PTCHD4: variants seen among roughly 807,000 people sequenced by gnomAD.
PTCHD4 encodes patched domain-containing protein 4.
PTCHD4 carries 33 observed loss-of-function variants against 58.1 expected under a neutral mutation model. The ratio of observed to expected loss-of-function variants is 0.57; its 90% CI spans 0.43 to 0.76. The LOEUF (loss-of-function observed/expected upper bound fraction) is 0.76. Ranked by LOEUF, PTCHD4 falls within the 30% of genes least tolerant of loss-of-function variation. The pLI is 0.00. For missense variants in PTCHD4, 1,058 were observed against 1,027.1 expected (o/e 1.03, Z -0.41); for synonymous variants, 478 against 409.6 (o/e 1.17, Z -2.02).
At position 48,041,151 on chromosome 6, in the gene PTCHD4, C is replaced by T. The variant is rs143286659; in HGVS notation, c.417+27079G>A. On this transcript the variant is annotated intron_variant, in intron 3 of 4. Coordinates refer to ENST00000339488, the MANE Select transcript of PTCHD4 (RefSeq NM_001384253.1). ...GCAGTGACAAGTTCAGTTGAGTGAG[C>T]AAACTGATTTAGACCACAGAATTGA... Among the ~76,000 whole-genome samples, 586 of 152,130 alleles carry T rather than the reference C, an allele frequency of 3.9e-3. 2 individuals are homozygous for T. The highest frequency in any genetic ancestry group is 7.1e-3 in the South Asian group (34 of 4,818).
At position 47,878,484 on chromosome 6, in the gene PTCHD4, C is replaced by T; in HGVS notation, c.2351G>A (p.Cys784Tyr). 1.9e-6 allele frequency: 3 copies of T among 1,613,434 alleles called. No individual in the cohort carries two copies. The highest frequency in any genetic ancestry group is 2.5e-6 in the Non-Finnish European group (3 of 1,179,696). ...TGTGCAACCCCCAGTGAGCAGCAAG[C>T]ATTTGAACAGTGTGAAGGTCAGGTT... Reference protein sequence around the residue: ...PSNLTFTLFKCLLLTGGCTLL... With the variant: ...PSNLTFTLFKYLLLTGGCTLL... Residue 784 changes from cysteine to tyrosine, a missense_variant, in exon 5 of 5, where the codon TGC becomes TAC. Physicochemically the swap from Cys to Tyr is radical, Grantham distance 194. Coordinates refer to ENST00000339488, the MANE Select transcript of PTCHD4 (RefSeq NM_001384253.1).
Position 47,879,618 on chromosome 6 carries a change from A to C in PTCHD4, c.1217T>G (p.Ile406Ser). The change falls in exon 5 of 5, where the codon ATC becomes AGC. Residue 406 changes from isoleucine to serine, a missense_variant. Ile to Ser is a moderately radical substitution (Grantham distance 142, BLOSUM62 -2). Transcript: ENST00000339488. Reference protein sequence around the residue: ...NRYHSIFCCKIPSAEYLDRKP... With the variant: ...NRYHSIFCCKSPSAEYLDRKP... ...GCGATCCAGGTATTCTGCAGAAGGG[A>C]TCTTACAGCAAAAGATGCTGTGGTA... 1 of 1,613,706 alleles carries C rather than the reference A, an allele frequency of 6.2e-7. No individual in the cohort carries two copies. The highest frequency in any genetic ancestry group is 8.5e-7 in the Non-Finnish European group (1 of 1,179,754).
rs372144844 is a variant in PTCHD4, at chr6:48,004,734, T to C, written c.898+3900A>G. The stretch of plus-strand genomic sequence containing the variant: ...GAGTTTGAGACCAGCCTGGCCAACA[T>C]GGTGAAACCCCATCTCTACTAAAAA... On this transcript the variant is annotated intron_variant, in intron 4 of 4. Transcript: ENST00000339488. Among the ~76,000 whole-genome samples, 25 of 152,198 alleles carry C rather than the reference T, an allele frequency of 1.6e-4. No homozygotes were observed. The East Asian group carries it at 4.1e-3, about 25-fold the overall frequency.
chr6:47,897,545 G>T (rs929225168), intron 4 of PTCHD4, among the ~76,000 whole-genome samples: 4 of 152,142 alleles, frequency 2.6e-5, no homozygotes, highest in African/African-American at 9.7e-5. Context: ...GTAAATCCTG[G>T]GGAGGGAGAT....
chr6:47,879,269 C>A lies in PTCHD4; in HGVS notation c.1566G>T (p.Glu522Asp), dbSNP rs768534793. Reference protein sequence around the residue: ...YSPVIGFYVYEPLEYWNSSVQ... With the variant: ...YSPVIGFYVYDPLEYWNSSVQ... ...CGCTGCTGTTCCAGTACTCTAGGGG[C>A]TCATAGACGTAGAATCCTATCACAG... Residue 522 changes from glutamate to aspartate, a missense_variant, in exon 5 of 5, where the codon GAG (glutamate) becomes GAT (aspartate). Physicochemically the swap from Glu to Asp is conservative, Grantham distance 45. Coordinates refer to ENST00000339488, the MANE Select transcript of PTCHD4 (RefSeq NM_001384253.1). 4.3e-6 allele frequency: 7 copies of A among 1,612,604 alleles called. No individual in the cohort carries two copies. Among genetic ancestry groups the A allele is most frequent in the African/African-American group, 1.3e-5 (1 of 74,950 alleles).
At chr6:47,970,876 G>A (rs1767481752) in intron 4 of PTCHD4, among the ~76,000 whole-genome samples, 1 of 152,112 alleles carries the variant, frequency 6.6e-6, no homozygotes, top group Non-Finnish European at 1.5e-5. Flanking sequence ...TCCAAGTGTG[G>A]GGCCTAGCAA....
At chr6:48,089,969 T>C (rs1765332923) in intron 1 of PTCHD4, among the ~76,000 whole-genome samples, 1 of 152,232 alleles carries the variant, frequency 6.6e-6, no homozygotes, top group Non-Finnish European at 1.5e-5. Flanking sequence ...AGACTCAATT[T>C]GATTTTATTT....
At position 47,872,055 on chromosome 6, in the gene PTCHD4, G is replaced by T. The variant is rs1477275832; in HGVS notation, c.*6248C>A. ...TTTTTTTTTTTCCCCAGCTCTATCAGTGTTGCTACCAACAACCAGTGAATT... is the reference window on the plus strand; with the variant it reads ...TTTTTTTTTTTCCCCAGCTCTATCATTGTTGCTACCAACAACCAGTGAATT... On this transcript the variant is annotated 3_prime_UTR_variant, in exon 5 of 5. Coordinates refer to ENST00000339488, the MANE Select transcript of PTCHD4 (RefSeq NM_001384253.1). Among the ~76,000 whole-genome samples, 9 of 150,708 alleles carry T rather than the reference G, an allele frequency of 6.0e-5. No individual in the cohort carries two copies. The highest frequency in any genetic ancestry group is 4.6e-4 in the Admixed American group (7 of 15,088).
In PTCHD4 at chr6:47,869,871, G is replaced by A. The variant is rs758811282; in HGVS notation, c.*8432C>T. On this transcript the variant is annotated 3_prime_UTR_variant, in exon 5 of 5. Transcript: ENST00000339488. The stretch of plus-strand genomic sequence containing the variant: ...CCTAGAATTAAAAGGTAGCATGCTC[G>A]AAGTTCTCACTGAGGTTAGAGGAAT... 4.0e-5 allele frequency among the ~76,000 whole-genome samples: 6 copies of A among 151,530 alleles called. No homozygotes were observed. The highest frequency in any genetic ancestry group is 1.3e-4 in the Admixed American group (2 of 15,156).
Position 47,879,731 on chromosome 6 carries a change from C to T in PTCHD4, c.1104G>A (p.Met368Ile). 6.2e-7 allele frequency: 1 copy of T among 1,613,618 alleles called. No homozygotes were observed. Among genetic ancestry groups the T allele is most frequent in the Non-Finnish European group, 8.5e-7 (1 of 1,179,734 alleles). Residue 368 changes from methionine (M) to isoleucine (I), a missense_variant, in exon 5 of 5, where the codon ATG (methionine) becomes ATA (isoleucine). Coordinates refer to ENST00000339488, the MANE Select transcript of PTCHD4 (RefSeq NM_001384253.1). ...AGTAGTTCAACAGAATAGAGACACA[C>T]ATGTTTTGACAGAAGACCTTCACAG... is the stretch of plus-strand genomic sequence containing the variant. ...IEAVKVFCQN[M>I]CVSILLNYFY...
intron 3 of PTCHD4, among the ~76,000 whole-genome samples, chr6:48,021,650 C>A (rs1763075945): frequency 6.6e-6 from 1 of 151,698 alleles, no homozygotes; most frequent in Admixed American, 6.6e-5. Flanking sequence ...GTTGTAATTG[C>A]TGAAGTCTGG....
chr6:48,003,784 A>G (rs2114068926), intron 4 of PTCHD4, among the ~76,000 whole-genome samples: 1 of 152,248 alleles, frequency 6.6e-6, no homozygotes, highest in East Asian at 1.9e-4. Context: ...TGTAACACTC[A>G]TACTCAGATC....
At chr6:47,965,734 T>C (rs1310469915) in intron 4 of PTCHD4, among the ~76,000 whole-genome samples, 5 of 152,152 alleles carry the variant, frequency 3.3e-5, no homozygotes, top group Non-Finnish European at 1.5e-5. Context: ...CGAGACCATC[T>C]TGGTTAACAC....
At chr6:48,036,582 A>G (rs1763644099) in intron 3 of PTCHD4, among the ~76,000 whole-genome samples, 1 of 152,134 alleles carries the variant, frequency 6.6e-6, no homozygotes, top group Non-Finnish European at 1.5e-5. Flanking sequence ...TAGCTGCCAC[A>G]GTTATCAGAA....
intron 4 of PTCHD4, among the ~76,000 whole-genome samples, chr6:47,988,927 G>A (rs1768179250): frequency 6.6e-6 from 1 of 152,236 alleles, no homozygotes; most frequent in African/African-American, 2.4e-5. Context: ...ACAGGCAGAG[G>A]TTGGAAAAGT....
intron 3 of PTCHD4, among the ~76,000 whole-genome samples, chr6:48,027,403 A>G (rs1162518628): frequency 6.6e-6 from 1 of 152,130 alleles, no homozygotes; most frequent in Non-Finnish European, 1.5e-5. Flanking sequence ...AACATAAACA[A>G]ATTTTAATTC....
In PTCHD4 at chr6:47,877,864, A is replaced by G. The variant is rs756893263; in HGVS notation, c.*439T>C. Among the ~76,000 whole-genome samples, 5 of 152,074 alleles carry G rather than the reference A, an allele frequency of 3.3e-5. No individual in the cohort carries two copies. The highest frequency in any genetic ancestry group is 7.4e-5 in the Non-Finnish European group (5 of 67,972). The stretch of plus-strand genomic sequence containing the variant: ...TATTAAATATGTACTTCCCAAGTGC[A>G]TAGGTTTCCTTTGACCAACCTGTTC... On this transcript the variant is annotated 3_prime_UTR_variant, in exon 5 of 5. Transcript: ENST00000339488.
intron 1 of PTCHD4, among the ~76,000 whole-genome samples, chr6:48,080,253 C>G (rs1228919391): frequency 3.3e-5 from 5 of 151,818 alleles, no homozygotes; most frequent in Non-Finnish European, 7.4e-5. Context: ...AGCCTTTTAG[C>G]TAAAAAAAAG....
intron 3 of PTCHD4, among the ~76,000 whole-genome samples, chr6:48,057,336 G>C (rs1764448134): frequency 6.6e-6 from 1 of 152,090 alleles, no homozygotes; most frequent in Non-Finnish European, 1.5e-5. Flanking sequence ...AATGGGCTTT[G>C]GTTTGATTCC....
Sources: allele counts gnomAD v4.1 joint callset (sites outside exome capture counted in the v4.1 genomes callset), GRCh38; gene constraint gnomAD v4.1.1; transcripts MANE v1.5; gene names NCBI Gene and HGNC (gene_info 2026-07-23, HGNC 2026-07-21).